Variants in SCYL2 observed in about 807,000 individuals in gnomAD.
SCYL2 encodes the protein SCY1-like protein 2.
SCYL2 carries 36 observed loss-of-function variants against 100.4 expected under a neutral mutation model. That is an observed-to-expected ratio of 0.36 (90% CI 0.27 to 0.47). SCYL2 has a LOEUF of 0.47. Ranked by LOEUF, SCYL2 falls within the 20% of genes least tolerant of loss-of-function variation. SCYL2 has a pLI of 1.00. For missense variants in SCYL2, 902 were observed against 1,083.9 expected, an observed-to-expected ratio of 0.83 and a Z score of 2.36; for synonymous variants, 330 against 359.2, an observed-to-expected ratio of 0.92 and a Z score of 0.92.
intron 14 of SCYL2, 132 bp downstream of exon 14, chr12:100,334,398 T>A (rs1952249802): frequency 1.5e-6 from 1 of 653,110 alleles, no homozygotes; most frequent in South Asian, 1.7e-5. Flanking sequence ...ATTTCAAAAT[T>A]TACCATCATG....
At chr12:100,321,723 A>G (rs2096355963) in intron 10 of SCYL2, among the ~76,000 whole-genome samples, 1 of 152,084 alleles carries the variant, frequency 6.6e-6, no homozygotes, top group African/African-American at 2.4e-5. Context: ...TCCTAAACCT[A>G]TGGATAGACA....
chr12:100,295,920 G>A (rs931174234), intron 3 of SCYL2, among the ~76,000 whole-genome samples: 1 of 152,182 alleles, frequency 6.6e-6, no homozygotes, highest in Non-Finnish European at 1.5e-5. Flanking sequence ...CAGATGCCGG[G>A]CCATCCTGCC....
chr12:100,337,616 C>A, intron 17 of SCYL2, 110 bp downstream of exon 17: 1 of 1,050,074 alleles, frequency 9.5e-7, no homozygotes, highest in Non-Finnish European at 1.4e-6. Flanking sequence ...CAAATAATAC[C>A]TTAATATGTG....
chr12:100,326,104 A>T (rs1453490990), intron 11 of SCYL2, among the ~76,000 whole-genome samples: 1 of 152,088 alleles, frequency 6.6e-6, no homozygotes, highest in African/African-American at 2.4e-5. Flanking sequence ...TGGAATTTTG[A>T]TAAAAGCTTC....
intron 4 of SCYL2, among the ~76,000 whole-genome samples, chr12:100,307,280 T>G (rs1000535850): frequency 2.0e-5 from 3 of 152,164 alleles, no homozygotes; most frequent in African/African-American, 7.2e-5. Context: ...AGCATGGTAC[T>G]GATACCAAAA....
intron 4 of SCYL2, among the ~76,000 whole-genome samples, chr12:100,299,683 T>A (rs908557896): frequency 6.6e-6 from 1 of 152,210 alleles, no homozygotes; most frequent in African/African-American, 2.4e-5. Context: ...TCACATGTTG[T>A]GTGTATCAAT....
intron 7 of SCYL2, among the ~76,000 whole-genome samples, 195 bp from the exon 8 acceptor site, chr12:100,314,294 C>G (rs2096345866): frequency 6.6e-6 from 1 of 152,192 alleles, no homozygotes; most frequent in African/African-American, 2.4e-5. Context: ...TTCACAGGTA[C>G]AGATTCCAAA....
intron 3 of SCYL2, among the ~76,000 whole-genome samples, chr12:100,294,098 G>A (rs2096313984): frequency 1.4e-5 from 2 of 147,142 alleles, no homozygotes. Context: ...CTTCCCAGTA[G>A]GGGCGGCCGG....
chr12:100,304,553 C>A (rs1345952551), intron 4 of SCYL2, among the ~76,000 whole-genome samples: 2 of 152,150 alleles, frequency 1.3e-5, no homozygotes, highest in African/African-American at 2.4e-5. Context: ...TGAGGTGAAG[C>A]CACACTGTGC....
At chr12:100,311,385 A>G (rs1388821550) in intron 5 of SCYL2, among the ~76,000 whole-genome samples, 192 bp downstream of exon 5, 1 of 152,172 alleles carries the variant, frequency 6.6e-6, no homozygotes, top group Non-Finnish European at 1.5e-5. Context: ...TTATTTGAGA[A>G]AAGGATGCCA....
In SCYL2 at chr12:100,329,307, T is replaced by C. The variant is rs1234025176; in HGVS notation, c.1749T>C (p.Leu583=). The stretch of plus-strand genomic sequence containing the variant: ...TTCCCCTGAGTATTGAAAACAATCT[T>C]AATCTTAATCAGGTAGGAGTATTTT... The part of the protein sequence containing the change: ...HLIPLSIENN[L]NLNQFNSFIS... Residue 583 remains leucine, a synonymous_variant, in exon 13 of 18, where the codon CTT becomes CTC. Coordinates refer to ENST00000360820, the MANE Select transcript of SCYL2 (RefSeq NM_017988.6). The C allele has an allele frequency of 6.6e-7, 1 of 1,525,590 alleles. No individual in the cohort carries two copies. The highest frequency in any genetic ancestry group is 1.7e-5 in the Admixed American group (1 of 59,840). 94.5% of individuals were successfully genotyped at this position (1,525,590 alleles called of 1,614,324 possible).
intron 4 of SCYL2, among the ~76,000 whole-genome samples, chr12:100,309,208 T>A (rs1017950606): frequency 6.6e-6 from 1 of 152,118 alleles, no homozygotes; most frequent in Non-Finnish European, 1.5e-5. Context: ...TAGGATTCTA[T>A]TTGGCCATCT....
chr12:100,325,757 T>C (rs1035088843), intron 11 of SCYL2, among the ~76,000 whole-genome samples: 4 of 152,138 alleles, frequency 2.6e-5, no homozygotes, highest in Non-Finnish European at 5.9e-5. Context: ...TTAAAATATA[T>C]ATATATCTCA....
At chr12:100,290,931 C>T (rs2096309816) in intron 2 of SCYL2, among the ~76,000 whole-genome samples, 2 of 152,032 alleles carry the variant, frequency 1.3e-5, no homozygotes, top group South Asian at 4.1e-4. Flanking sequence ...ATAAAATAAG[C>T]TGTGAATGAT....
Position 100,338,926 on chromosome 12 carries a change from AC to A in SCYL2, c.2547del (p.Val851LeufsTer3), listed in dbSNP as rs1952317016. The A allele has an allele frequency of 6.2e-7, 1 of 1,614,016 alleles. No individual in the cohort carries two copies. The highest frequency in any genetic ancestry group is 8.5e-7 in the Non-Finnish European group (1 of 1,179,986). ...TTAATAATCTCTTTGGCCCTCAGAA[AC>A]CCAAAGTTAGCATGAACCAGTTATC... Reference protein sequence around the residue: ...ALNNLFGPQKPKVSMNQLSQQ... With the variant: ...ALNNLFGPQKXKVSMNQLSQQ... On this transcript the variant is annotated frameshift_variant, in exon 18 of 18. Coordinates refer to ENST00000360820, the MANE Select transcript of SCYL2 (RefSeq NM_017988.6). LOFTEE classifies it high-confidence loss of function.
At chr12:100,316,027 T>G (rs1307664229) in intron 9 of SCYL2, among the ~76,000 whole-genome samples, 1 of 152,248 alleles carries the variant, frequency 6.6e-6, no homozygotes, top group Non-Finnish European at 1.5e-5. Flanking sequence ...ATATATACTT[T>G]GTAGAAAGTT....
At chr12:100,294,377 G>C (rs113158298) in intron 3 of SCYL2, among the ~76,000 whole-genome samples, 1 of 96,828 alleles carries the variant, frequency 1.0e-5, no homozygotes, top group Non-Finnish European at 2.2e-5. Context: ...CTGGCCGGGC[G>C]GGGGGCTGAC....
intron 3 of SCYL2, among the ~76,000 whole-genome samples, chr12:100,296,287 T>A (rs552608215): frequency 9.8e-5 from 15 of 152,288 alleles, no homozygotes; most frequent in African/African-American, 3.6e-4. Flanking sequence ...AATACTGACA[T>A]GACACTGGAA....
At chr12:100,297,948 A>G in intron 3 of SCYL2, 83 bp from the exon 4 acceptor site, 1 of 1,042,520 alleles carries the variant, frequency 9.6e-7, no homozygotes, top group Non-Finnish European at 1.4e-6. Context: ...ATAGTTTAAT[A>G]GGAGCACTAA....
Sources: gnomAD v4.1 joint callset for allele counts (sites outside exome capture counted in the v4.1 genomes callset) on GRCh38, gnomAD v4.1.1 for gene constraint, MANE v1.5 for transcripts, NCBI Gene and HGNC (gene_info 2026-07-23, HGNC 2026-07-21) for gene names.